Variants in CADM2 observed in about 807,000 individuals in gnomAD.
CADM2 encodes the protein cell adhesion molecule 2.
A neutral mutation model predicts 49.8 loss-of-function variants in CADM2; 12 were observed. The observed-to-expected ratio is 0.24, with a 90% CI of 0.15 to 0.39. The LOEUF (loss-of-function observed/expected upper bound fraction) is 0.39, where lower values mean the gene tolerates loss of function less well. Among genes scored for constraint, CADM2 ranks in the 10% least tolerant of loss-of-function variants. CADM2 has a pLI of 1.00. For synonymous variants in CADM2, 214 were observed against 175.4 expected, an observed-to-expected ratio of 1.22 and a Z score of -1.74; for missense variants, 378 against 492.3, an observed-to-expected ratio of 0.77 and a Z score of 2.20.
chr3:85,271,926 T>G (rs1219688691), intron 1 of CADM2, among the ~76,000 whole-genome samples: 1 of 151,126 alleles, frequency 6.6e-6, no homozygotes, highest in Non-Finnish European at 1.5e-5. Context: ...TTCTAAAAAC[T>G]GTACAGCTTA....
rs138703724 is a variant in CADM2, at chr3:85,605,885, A to G, written c.62-120637A>G. ...AATTAGGAAACTCTTTCCTGAATAA[A>G]GAACCTCAAATATAAAATCTCATGG... On this transcript the variant is annotated intron_variant, in intron 1 of 9. Transcript: ENST00000383699. 4.4e-3 allele frequency among the ~76,000 whole-genome samples: 670 copies of G among 152,254 alleles called. 6 individuals are homozygous for G. The highest frequency in any genetic ancestry group is 0.016 in the African/African-American group (645 of 41,570).
At chr3:85,866,895 A>C (rs972995440) in intron 3 of CADM2, among the ~76,000 whole-genome samples, 27 of 152,096 alleles carry the variant, frequency 1.8e-4, no homozygotes, top group African/African-American at 6.5e-4. Flanking sequence ...TTCATGCTAT[A>C]CAGATAGTAT....
At chr3:85,359,570 G>A (rs1209482426) in intron 1 of CADM2, among the ~76,000 whole-genome samples, 1 of 139,754 alleles carries the variant, frequency 7.2e-6, no homozygotes, top group Non-Finnish European at 1.5e-5. Context: ...TCATAACAAA[G>A]CACTCTTTCC....
At chr3:85,011,769 G>A (rs1341146209) in intron 1 of CADM2, among the ~76,000 whole-genome samples, 1 of 151,520 alleles carries the variant, frequency 6.6e-6, no homozygotes, top group Non-Finnish European at 1.5e-5. Context: ...ACATACCTGT[G>A]GTCTCAACTA....
chr3:85,580,864 T>G (rs748198171), intron 1 of CADM2, among the ~76,000 whole-genome samples: 5 of 152,154 alleles, frequency 3.3e-5, no homozygotes, highest in East Asian at 3.8e-4. Flanking sequence ...TAAAACAGTT[T>G]AGAACAGAAT....
intron 2 of CADM2, among the ~76,000 whole-genome samples, chr3:85,750,183 T>G (rs191741424): frequency 2.2e-4 from 34 of 152,106 alleles, no homozygotes; most frequent in African/African-American, 7.9e-4. Context: ...TCATGCATTT[T>G]TACTTTCAGA....
In CADM2 at chr3:85,912,509, C is replaced by T; in HGVS notation, c.666C>T (p.Thr222=). The change falls in exon 6 of 10, where the codon ACC becomes ACT. Residue 222 remains threonine (T), a synonymous_variant. Coordinates refer to ENST00000383699, the MANE Select transcript of CADM2 (RefSeq NM_001167675.2). ...CRVDHESLNA[T]PQVAMQVLEI... is the part of the protein sequence containing the mutation. ...TAGATCACGAATCCCTCAATGCCACCCCTCAGGTAGCCATGCAGGTGCTAG... is the reference window on the plus strand; with the variant it reads ...TAGATCACGAATCCCTCAATGCCACTCCTCAGGTAGCCATGCAGGTGCTAG... 1 of 1,613,806 alleles carries T rather than the reference C, an allele frequency of 6.2e-7. No individual in the cohort carries two copies. The highest frequency in any genetic ancestry group is 8.5e-7 in the Non-Finnish European group (1 of 1,179,824).
intron 1 of CADM2, among the ~76,000 whole-genome samples, chr3:85,609,506 C>T (rs373161728): frequency 4.6e-5 from 7 of 152,040 alleles, no homozygotes; most frequent in African/African-American, 1.7e-4. Flanking sequence ...ATTCTAAATT[C>T]TTACGGAAAC....
At chr3:85,873,293 A>G (rs1334009200) in intron 3 of CADM2, among the ~76,000 whole-genome samples, 1 of 152,192 alleles carries the variant, frequency 6.6e-6, no homozygotes, top group Non-Finnish European at 1.5e-5. Context: ...ATTGTTAAAA[A>G]CCAATTCAGA....
chr3:85,947,544 C>T (rs1722893429), intron 7 of CADM2, among the ~76,000 whole-genome samples: 1 of 150,150 alleles, frequency 6.7e-6, no homozygotes, highest in Admixed American at 6.7e-5. Flanking sequence ...TCTAAATTTT[C>T]AAAATTGAAA....
At chr3:85,658,780 G>A (rs2065301446) in intron 1 of CADM2, among the ~76,000 whole-genome samples, 1 of 150,446 alleles carries the variant, frequency 6.6e-6, no homozygotes, top group African/African-American at 2.4e-5. Flanking sequence ...GCTGGACATG[G>A]TAACACACAC....
chr3:85,988,546 A>G (rs2108690726), intron 8 of CADM2, among the ~76,000 whole-genome samples: 1 of 152,300 alleles, frequency 6.6e-6, no homozygotes, highest in South Asian at 2.1e-4. Context: ...ACAGGTTTAA[A>G]CTATTGGAAA....
chr3:85,698,493 T>C (rs1478594697), intron 1 of CADM2, among the ~76,000 whole-genome samples: 4 of 152,104 alleles, frequency 2.6e-5, no homozygotes, highest in African/African-American at 4.8e-5. Flanking sequence ...ATAGGAAGCA[T>C]AGTGGCTTCT....
chr3:85,173,716 A>T (rs866928692), intron 1 of CADM2, among the ~76,000 whole-genome samples: 2 of 152,224 alleles, frequency 1.3e-5, no homozygotes, highest in Non-Finnish European at 2.9e-5. Flanking sequence ...CCCTGCAGTA[A>T]TATGAACAAT....
chr3:85,883,514 C>A, intron 4 of CADM2, 71 bp downstream of exon 4: 1 of 1,276,722 alleles, frequency 7.8e-7, no homozygotes. Flanking sequence ...CAACATAATT[C>A]AATACAAAAA....
rs2106861976 is a variant in CADM2 at position 86,006,279 on chromosome 3, T to C, written c.970+44632T>C. ...TCAAGGAATTAATATGGGATGTTCC[T>C]CTCTTGAAATGTAGTCTAGAGCTTT... is the stretch of plus-strand genomic sequence containing the variant. On this transcript the variant is annotated intron_variant, in intron 8 of 9. Transcript: ENST00000383699. Among the ~76,000 whole-genome samples, 3 of 152,316 alleles carry C rather than the reference T, an allele frequency of 2.0e-5. No homozygotes were observed. The Middle Eastern group carries it at 0.01, about 518-fold the overall frequency.
intron 8 of CADM2, among the ~76,000 whole-genome samples, chr3:86,039,174 A>G (rs201071371): frequency 1.3e-5 from 2 of 152,100 alleles, no homozygotes; most frequent in Non-Finnish European, 2.9e-5. Flanking sequence ...TGCATGTCCA[A>G]CTGTGGTACT....
chr3:85,191,961 G>GTGTGTGTGTC (rs1397532893), intron 1 of CADM2, among the ~76,000 whole-genome samples: 3 of 151,868 alleles, frequency 2.0e-5, no homozygotes, highest in Non-Finnish European at 2.9e-5. Context: ...GTGTGTGTGT[G>GTGTGTGTGTC]TGTGTGTGTA....
At chr3:85,281,871 G>A (rs971605312) in intron 1 of CADM2, among the ~76,000 whole-genome samples, 3 of 151,984 alleles carry the variant, frequency 2.0e-5, no homozygotes, top group African/African-American at 7.2e-5. Context: ...TGAAACTAAG[G>A]AAAGGCCTAT....
Sources: gnomAD v4.1 joint callset for allele counts (sites outside exome capture counted in the v4.1 genomes callset) on GRCh38, gnomAD v4.1.1 for gene constraint, MANE v1.5 for transcripts, NCBI Gene and HGNC (gene_info 2026-07-23, HGNC 2026-07-21) for gene names.